The following NHSL1 variants were observed in gnomAD, a reference collection of about 807,000 sequenced individuals.
The protein encoded by NHSL1 is NHS-like protein 1.
In NHSL1, 48 loss-of-function variants were observed where a neutral mutation model predicts 95.0. That is an observed-to-expected ratio of 0.51 (90% confidence interval 0.40 to 0.64). The LOEUF (loss-of-function observed/expected upper bound fraction) is 0.64, where lower values mean the gene tolerates loss of function less well. Ranked by LOEUF, NHSL1 falls within the 30% of genes least tolerant of loss-of-function variation. The pLI is 0.00. For missense variants in NHSL1, 1,971 were observed against 2,077.7 expected (o/e 0.95, Z 1.00); for synonymous variants, 783 against 833.9 (o/e 0.94, Z 1.05).
intron 1 of NHSL1, among the ~76,000 whole-genome samples, chr6:138,598,627 GAAAAAAAAA>G (rs35482505): frequency 1.2e-5 from 1 of 86,846 alleles, no homozygotes; most frequent in Non-Finnish European, 2.4e-5. Context: ...TCATCTGGAA[GAAAAAAAAA>G]AAAAAAAAAA....
At chr6:138,605,179 G>A (rs970819839) in intron 1 of NHSL1, among the ~76,000 whole-genome samples, 4 of 152,016 alleles carry the variant, frequency 2.6e-5, no homozygotes, top group African/African-American at 7.2e-5. Flanking sequence ...ACTAGACAAC[G>A]GACCTGACTT....
At chr6:138,655,654 A>G (rs766785234) in intron 1 of NHSL1, among the ~76,000 whole-genome samples, 2 of 152,234 alleles carry the variant, frequency 1.3e-5, no homozygotes, top group Non-Finnish European at 2.9e-5. Flanking sequence ...TAATACAATG[A>G]GTATTAAGTT....
chr6:138,659,388 C>T (rs997456005), intron 1 of NHSL1, among the ~76,000 whole-genome samples: 42 of 152,142 alleles, frequency 2.8e-4, no homozygotes, highest in Non-Finnish European at 4.7e-4. Context: ...ATCACCCTCA[C>T]GCTCCTCTTG....
chr6:138,433,841 C>A (rs1775887697), intron 5 of NHSL1, among the ~76,000 whole-genome samples, 161 bp from the exon 6 acceptor site: 1 of 152,118 alleles, frequency 6.6e-6, no homozygotes, highest in South Asian at 2.1e-4. Context: ...TTACTGATAG[C>A]TCTAAAATGA....
chr6:138,436,007 T>C (rs146583222), intron 5 of NHSL1, among the ~76,000 whole-genome samples: 1,615 of 152,310 alleles, frequency 0.011, 25 homozygotes, highest in African/African-American at 0.037. Context: ...GTGTTCTGAC[T>C]GCTCCACTGA....
intron 1 of NHSL1, among the ~76,000 whole-genome samples, chr6:138,667,628 T>C (rs1029934576): frequency 1.3e-5 from 2 of 152,234 alleles, no homozygotes; most frequent in Admixed American, 6.5e-5. Flanking sequence ...TCAGTTCTCT[T>C]CTAGAATTTC....
At chr6:138,581,016 A>G (rs576955041) in intron 1 of NHSL1, among the ~76,000 whole-genome samples, 4 of 152,246 alleles carry the variant, frequency 2.6e-5, no homozygotes, top group Non-Finnish European at 5.9e-5. Context: ...AGCTGGAAGA[A>G]GCAAAGAACT....
intron 1 of NHSL1, among the ~76,000 whole-genome samples, chr6:138,600,492 A>G (rs1338966259): frequency 6.6e-6 from 1 of 152,256 alleles, no homozygotes; most frequent in East Asian, 1.9e-4. Context: ...TGAAAAAACC[A>G]AAGAACATTC....
chr6:138,687,009 A>C (rs1226418871), intron 1 of NHSL1, among the ~76,000 whole-genome samples: 1 of 152,158 alleles, frequency 6.6e-6, no homozygotes, highest in African/African-American at 2.4e-5. Context: ...GACTGGGATT[A>C]GAGGGGGGTG....
At chr6:138,679,005 C>T (rs1012971508) in intron 1 of NHSL1, among the ~76,000 whole-genome samples, 3 of 152,164 alleles carry the variant, frequency 2.0e-5, no homozygotes, top group Non-Finnish European at 4.4e-5. Flanking sequence ...CAGAGTCCCC[C>T]AATTCTTTTA....
chr6:138,516,322 T>C lies in NHSL1; in HGVS notation c.17-19951A>G, dbSNP rs118146510. On this transcript the variant is annotated intron_variant, in intron 1 of 4. Transcript: ENST00000342260. ...AGCTCCTTTGGCCAGCTGAGAGAGC[T>C]ATGCCTGGGTGTTCAGCTTGGGCCT... Among the ~76,000 whole-genome samples the C allele has an allele frequency of 6.2e-3, 947 of 152,314 alleles. 23 individuals carry two copies. Among genetic ancestry groups the C allele is most frequent in the Admixed American group, 0.048 (734 of 15,290 alleles).
At chr6:138,538,631 C>T (rs1782457267) in intron 1 of NHSL1, among the ~76,000 whole-genome samples, 1 of 152,148 alleles carries the variant, frequency 6.6e-6, no homozygotes, top group Admixed American at 6.6e-5. Flanking sequence ...TCTGAAAGTT[C>T]CAGCAACAAT....
At chr6:138,662,681 T>G (rs1007718763) in intron 1 of NHSL1, among the ~76,000 whole-genome samples, 3 of 152,182 alleles carry the variant, frequency 2.0e-5, no homozygotes, top group Non-Finnish European at 2.9e-5. Flanking sequence ...TGCTTGAGTA[T>G]TTTGTTCAAA....
intron 1 of NHSL1, among the ~76,000 whole-genome samples, chr6:138,534,186 G>A (rs1231647527): frequency 4.6e-5 from 7 of 152,124 alleles, no homozygotes; most frequent in African/African-American, 1.7e-4. Flanking sequence ...TTTTCATAGA[G>A]AGTGATGGTT....
At chr6:138,563,917 G>A (rs891239002) in intron 1 of NHSL1, among the ~76,000 whole-genome samples, 2 of 152,100 alleles carry the variant, frequency 1.3e-5, no homozygotes, top group African/African-American at 2.4e-5. Context: ...GGAGGGGAGC[G>A]GTGTGTACAA....
At chr6:138,668,465 T>C (rs1785322990) in intron 1 of NHSL1, among the ~76,000 whole-genome samples, 1 of 151,986 alleles carries the variant, frequency 6.6e-6, no homozygotes, top group Non-Finnish European at 1.5e-5. Flanking sequence ...AAGAAATTGT[T>C]TTGCTAACTA....
intron 1 of NHSL1, among the ~76,000 whole-genome samples, chr6:138,510,708 C>T (rs994511782): frequency 2.0e-5 from 3 of 152,174 alleles, no homozygotes; most frequent in African/African-American, 7.2e-5. Flanking sequence ...TAAAAACCTT[C>T]CTATAACCTC....
chr6:138,584,454 G>A (rs756867083), intron 1 of NHSL1, among the ~76,000 whole-genome samples: 1 of 152,094 alleles, frequency 6.6e-6, no homozygotes, highest in Non-Finnish European at 1.5e-5. Context: ...CAACTCTCCC[G>A]ACAGTCATCA....
chr6:138,605,469 A>T (rs1784420776), intron 1 of NHSL1, among the ~76,000 whole-genome samples: 1 of 152,230 alleles, frequency 6.6e-6, no homozygotes, highest in Non-Finnish European at 1.5e-5. Context: ...CCCACAAAAA[A>T]AAGTTTACCA....
Sources: allele counts gnomAD v4.1 joint callset (sites outside exome capture counted in the v4.1 genomes callset), GRCh38; gene constraint gnomAD v4.1.1; transcripts MANE v1.5; gene names NCBI Gene and HGNC (gene_info 2026-07-23, HGNC 2026-07-21).